Variants in CENPP observed in about 807,000 individuals in gnomAD.
CENPP encodes centromere protein P.
Under a neutral mutation model 35.6 loss-of-function variants are expected in CENPP, and 24 were observed. The ratio of observed to expected loss-of-function variants is 0.67; its 90% CI spans 0.49 to 0.95. The LOEUF (loss-of-function observed/expected upper bound fraction) is 0.95, where lower values mean the gene tolerates loss of function less well. CENPP is among the 40% of genes least tolerant of loss of function. The pLI is 0.00. For missense variants in CENPP, 332 were observed against 345.3 expected (o/e 0.96, Z 0.31); for synonymous variants, 120 against 125.5 (o/e 0.96, Z 0.29).
At chr9:92,489,611 T>C (rs1328128530) in intron 5 of CENPP, among the ~76,000 whole-genome samples, 2 of 148,618 alleles carry the variant, frequency 1.3e-5, no homozygotes, top group African/African-American at 4.9e-5. Context: ...ATGGTCAGGA[T>C]TTTTTTTTTT....
At chr9:92,436,501 C>T (rs72752485) in intron 5 of CENPP, among the ~76,000 whole-genome samples, 4,707 of 152,176 alleles carry the variant, frequency 0.031, 113 homozygotes, top group South Asian at 0.084. Flanking sequence ...TCTCAAAGAT[C>T]TTCATCTATG....
intron 5 of CENPP, among the ~76,000 whole-genome samples, chr9:92,546,204 A>G (rs1180363719): frequency 1.3e-5 from 2 of 152,160 alleles, no homozygotes; most frequent in African/African-American, 4.8e-5. Context: ...GTCAAAACGG[A>G]CCAATCAGCT....
At chr9:92,370,272 G>C (rs1588066589) in intron 4 of CENPP, among the ~76,000 whole-genome samples, 1 of 152,074 alleles carries the variant, frequency 6.6e-6, no homozygotes, top group African/African-American at 2.4e-5. Flanking sequence ...TGGGCCTCTA[G>C]TTTTCTTATG....
intron 5 of CENPP, among the ~76,000 whole-genome samples, chr9:92,577,878 C>T (rs1850322365): frequency 6.6e-6 from 1 of 151,336 alleles, no homozygotes; most frequent in Non-Finnish European, 1.5e-5. Flanking sequence ...ATACATGTGC[C>T]ATGCTGGTGC....
intron 3 of CENPP, among the ~76,000 whole-genome samples, chr9:92,345,117 G>C (rs1158799200): frequency 2.0e-5 from 3 of 152,138 alleles, no homozygotes; most frequent in African/African-American, 7.2e-5. Context: ...GCCAGGCATG[G>C]TGGCGGGCAC....
intron 3 of CENPP, among the ~76,000 whole-genome samples, chr9:92,343,345 C>G (rs1420796198): frequency 1.3e-5 from 2 of 152,202 alleles, no homozygotes; most frequent in Admixed American, 6.5e-5. Context: ...TTCTGGTGTT[C>G]TTAGTACTAC....
chr9:92,475,475 C>T (rs1845682545), intron 5 of CENPP, among the ~76,000 whole-genome samples: 1 of 152,146 alleles, frequency 6.6e-6, no homozygotes, highest in African/African-American at 2.4e-5. Context: ...CTTGTGTTTT[C>T]CTTTTTCCTT....
At chr9:92,462,912 A>G in intron 5 of CENPP, among the ~76,000 whole-genome samples, 1 of 152,240 alleles carries the variant, frequency 6.6e-6, no homozygotes, top group East Asian at 1.9e-4. Flanking sequence ...AATCTAGAAT[A>G]GGTTGTACAA....
In CENPP at chr9:92,611,334, G is replaced by C; in HGVS notation, c.585G>C (p.Val195=). 6.2e-7 allele frequency: 1 copy of C among 1,613,752 alleles called. No individual in the cohort carries two copies. Among genetic ancestry groups the C allele is most frequent in the East Asian group, 2.2e-5 (1 of 44,842 alleles). ...TGCAGGAAAAGTACCCAGATGCCGT[G>C]TACCTCTCGGAGGGGCCCTCCTCCT... ...KHLKEKYPDA[V]YLSEGPSSCS... The change falls in exon 6 of 8, where the codon GTG becomes GTC. Residue 195 remains valine, a synonymous_variant. Coordinates refer to ENST00000375587, the MANE Select transcript of CENPP (RefSeq NM_001012267.3).
At chr9:92,521,178 C>G (rs192023392) in intron 5 of CENPP, among the ~76,000 whole-genome samples, 6 of 152,254 alleles carry the variant, frequency 3.9e-5, no homozygotes, top group African/African-American at 1.4e-4. Context: ...CTTGGAAATA[C>G]TTAGTATATA....
chr9:92,365,130 G>C (rs1220457066), intron 4 of CENPP, among the ~76,000 whole-genome samples: 1 of 152,148 alleles, frequency 6.6e-6, no homozygotes, highest in Non-Finnish European at 1.5e-5. Context: ...TTATTTTCTA[G>C]TAGGGGAAAC....
chr9:92,599,150 T>C (rs1415797846), intron 5 of CENPP, among the ~76,000 whole-genome samples: 1 of 150,814 alleles, frequency 6.6e-6, no homozygotes, highest in Non-Finnish European at 1.5e-5. Context: ...TGGTTGAGAA[T>C]AAAGGGATTT....
At chr9:92,433,379 G>A (rs927510284) in intron 5 of CENPP, among the ~76,000 whole-genome samples, 9 of 152,090 alleles carry the variant, frequency 5.9e-5, no homozygotes, top group Non-Finnish European at 1.2e-4. Context: ...AATTCCTCCC[G>A]CAATCAGTTT....
At chr9:92,421,053 CT>C (rs968117485) in intron 5 of CENPP, among the ~76,000 whole-genome samples, 3 of 151,582 alleles carry the variant, frequency 2.0e-5, no homozygotes, top group Non-Finnish European at 4.4e-5. Flanking sequence ...ATTAGCCTAA[CT>C]TTTTTTTTCT....
In CENPP at chr9:92,447,816, C is replaced by A. The variant is rs113393376; in HGVS notation, c.564+67957C>A. ...CTGAGCAACTCCTAGAAGTTTAGAA[C>A]CTGCACAGCTGGGAGGAAAAACAGA... On this transcript the variant is annotated intron_variant, in intron 5 of 7. Coordinates refer to ENST00000375587, the MANE Select transcript of CENPP (RefSeq NM_001012267.3). 2.9e-3 allele frequency among the ~76,000 whole-genome samples: 434 copies of A among 152,244 alleles called. 4 individuals carry two copies. Among genetic ancestry groups the A allele is most frequent in the African/African-American group, 9.7e-3 (403 of 41,540 alleles).
At chr9:92,517,260 C>T (rs1050755226) in intron 5 of CENPP, 1 of 209,760 alleles carries the variant, frequency 4.8e-6, no homozygotes, top group South Asian at 8.9e-5. Context: ...GGGCTTTGTT[C>T]TCTTTAGATG....
At chr9:92,356,402 G>A (rs1841590201) in intron 4 of CENPP, among the ~76,000 whole-genome samples, 1 of 152,194 alleles carries the variant, frequency 6.6e-6, no homozygotes, top group African/African-American at 2.4e-5. Flanking sequence ...CAGACCTTAT[G>A]GTTGTCTTCC....
intron 5 of CENPP, among the ~76,000 whole-genome samples, chr9:92,405,348 T>C (rs1226048384): frequency 6.6e-6 from 1 of 152,102 alleles, no homozygotes; most frequent in Non-Finnish European, 1.5e-5. Flanking sequence ...CAAATTAACT[T>C]TTCTCCTTTA....
chr9:92,495,885 A>T (rs1846319369), intron 5 of CENPP: 1 of 981,978 alleles, frequency 1.0e-6, no homozygotes, highest in Middle Eastern at 5.2e-4. Flanking sequence ...AACAACACTT[A>T]TTCATAAATT....
Sources: allele counts gnomAD v4.1 joint callset (sites outside exome capture counted in the v4.1 genomes callset), GRCh38; gene constraint gnomAD v4.1.1; transcripts MANE v1.5; gene names NCBI Gene and HGNC (gene_info 2026-07-23, HGNC 2026-07-21).